The following ZNRF2 variants were observed in gnomAD, a reference collection of about 807,000 sequenced individuals.
The protein encoded by ZNRF2 is zinc and ring finger 2.
Under a neutral mutation model 20.4 loss-of-function variants are expected in ZNRF2, and 16 were observed. The observed-to-expected ratio is 0.79, with a 90% CI of 0.53 to 1.19. The LOEUF is 1.19. Among genes scored for constraint, ZNRF2 ranks in the 50% most tolerant of loss-of-function variants. The pLI is 0.00. For synonymous variants in ZNRF2, 178 were observed against 144.9 expected (o/e 1.23, Z -1.64); for missense variants, 363 against 332.4 (o/e 1.09, Z -0.72).
Position 30,285,504 on chromosome 7 carries a change from C to A in ZNRF2, c.147C>A (p.Phe49Leu), listed in dbSNP as rs1798759809. The change falls in exon 1 of 5, where the codon TTC (phenylalanine) becomes TTA (leucine). Residue 49 changes from phenylalanine to leucine, a missense_variant. Coordinates refer to ENST00000323037, the MANE Select transcript of ZNRF2 (RefSeq NM_147128.4). ...GGARAAAAGRFPAQVPSAHQP... is the reference protein window; with the variant it reads ...GGARAAAAGRLPAQVPSAHQP... ...CTCGGGCCGCCGCCGCGGGGAGGTT[C>A]CCGGCTCAGGTGCCCAGCGCGCACC... 9.5e-7 allele frequency: 1 copy of A among 1,054,818 alleles called. No homozygotes were observed. Among genetic ancestry groups the A allele is most frequent in the South Asian group, 3.2e-5 (1 of 31,502 alleles). 65.3% of individuals were successfully genotyped at this position (1,054,818 alleles called of 1,614,324 possible).
intron 2 of ZNRF2, among the ~76,000 whole-genome samples, chr7:30,354,416 C>A (rs1800005587): frequency 6.6e-6 from 1 of 152,160 alleles, no homozygotes; most frequent in Non-Finnish European, 1.5e-5. Context: ...CTGAGTAAAT[C>A]ATCTCCTGGT....
chr7:30,331,681 A>G (rs1169250269), intron 2 of ZNRF2, among the ~76,000 whole-genome samples: 2 of 152,228 alleles, frequency 1.3e-5, no homozygotes, highest in African/African-American at 2.4e-5. Context: ...GCTGAAAGCT[A>G]GAAATTCTCA....
intron 2 of ZNRF2, among the ~76,000 whole-genome samples, chr7:30,335,356 T>C (rs1026838565): frequency 2.0e-5 from 3 of 152,128 alleles, no homozygotes; most frequent in African/African-American, 7.2e-5. Flanking sequence ...AGCATAGCTG[T>C]CCTCAAACTT....
At chr7:30,339,214 G>A (rs1189356040) in intron 2 of ZNRF2, among the ~76,000 whole-genome samples, 1 of 152,058 alleles carries the variant, frequency 6.6e-6, no homozygotes, top group Non-Finnish European at 1.5e-5. Context: ...CCATTCTATA[G>A]GTTGCCTGTT....
intron 2 of ZNRF2, among the ~76,000 whole-genome samples, chr7:30,347,307 G>A (rs912739524): frequency 6.6e-6 from 1 of 152,172 alleles, no homozygotes; most frequent in Non-Finnish European, 1.5e-5. Context: ...GTCACACGAA[G>A]AATTTTTGTT....
At chr7:30,356,473 G>C (rs1232786082) in intron 3 of ZNRF2, among the ~76,000 whole-genome samples, 1 of 151,946 alleles carries the variant, frequency 6.6e-6, no homozygotes, top group African/African-American at 2.4e-5. Context: ...CAAACCCACT[G>C]GTTGAAAAAC....
intron 2 of ZNRF2, among the ~76,000 whole-genome samples, chr7:30,343,636 T>C (rs1227116332): frequency 1.3e-5 from 2 of 152,128 alleles, no homozygotes; most frequent in African/African-American, 4.8e-5. Context: ...ACCTTGTCAA[T>C]AGTAAGATTG....
In ZNRF2 at chr7:30,317,390, G is replaced by A. The variant is rs183613306; in HGVS notation, c.470-6252G>A. ...AAAGGAATTCAGTAGGACAGAGAAG[G>A]ACATTTTGCTTTTGAGTTCTCTAAA... On this transcript the variant is annotated intron_variant, in intron 1 of 4. Coordinates refer to ENST00000323037, the MANE Select transcript of ZNRF2 (RefSeq NM_147128.4). Among the ~76,000 whole-genome samples, 9 of 152,298 alleles carry A rather than the reference G, an allele frequency of 5.9e-5. No homozygotes were observed. In the East Asian group the frequency reaches 1.7e-3, roughly 29 times the overall value.
intron 2 of ZNRF2, among the ~76,000 whole-genome samples, chr7:30,342,411 A>C (rs1799810968): frequency 6.6e-6 from 1 of 152,090 alleles, no homozygotes; most frequent in South Asian, 2.1e-4. Context: ...GAGCTCTTGT[A>C]AGACAGGCGT....
In ZNRF2 at chr7:30,285,922, C is replaced by T. The variant is rs1798778955; in HGVS notation, c.469+96C>T. The T allele has an allele frequency of 3.8e-6, 5 of 1,329,272 alleles. 1 individual carries two copies. In the South Asian group the frequency reaches 9.3e-5, roughly 25 times the overall value. 82.3% of individuals were successfully genotyped at this position (1,329,272 alleles called of 1,614,324 possible). On this transcript the variant is annotated intron_variant, in intron 1 of 4. Coordinates refer to ENST00000323037, the MANE Select transcript of ZNRF2 (RefSeq NM_147128.4). ...TTTTTACCCTTCTCCTTTTCTCCTT[C>T]TGCCGGGGCGCCGGGGGCTGCCTCC...
At position 30,285,836 on chromosome 7, in the gene ZNRF2, CCT is replaced by C; in HGVS notation, c.469+14_469+15del. 1 of 1,491,556 alleles carries C rather than the reference CCT, an allele frequency of 6.7e-7. No individual in the cohort carries two copies. Among genetic ancestry groups the C allele is most frequent in the Non-Finnish European group, 8.9e-7 (1 of 1,129,422 alleles). 92.4% of individuals were successfully genotyped at this position (1,491,556 alleles called of 1,614,324 possible). On this transcript the variant is annotated intron_variant, in intron 1 of 4. Transcript: ENST00000323037. ...CCGCACATGTTTGGAGGTACGGACC[CCT>C]CTCCGCGCACCCGCGCTCGGTCCTC...
rs777633214 is a variant in ZNRF2, at chr7:30,320,198, T to TATA, written c.470-3442_470-3441insAAT. Among the ~76,000 whole-genome samples the TATA allele has an allele frequency of 3.0e-4, 46 of 152,228 alleles. 1 individual carries two copies. The highest frequency in any genetic ancestry group is 9.4e-4 in the African/African-American group (39 of 41,544). On this transcript the variant is annotated intron_variant, in intron 1 of 4. Coordinates refer to ENST00000323037, the MANE Select transcript of ZNRF2 (RefSeq NM_147128.4). The stretch of plus-strand genomic sequence containing the variant: ...CATGTGTCCCAAATAATTATCTATA[T>TATA]ATGTTATATATGTAGATCTCTATAC...
chr7:30,338,757 G>A (rs1438207552), intron 2 of ZNRF2, among the ~76,000 whole-genome samples: 1 of 152,114 alleles, frequency 6.6e-6, no homozygotes, highest in East Asian at 1.9e-4. Flanking sequence ...TGTCTTTATA[G>A]TAGAATGATT....
chr7:30,300,100 A>G (rs1040819840), intron 1 of ZNRF2, among the ~76,000 whole-genome samples: 6 of 147,488 alleles, frequency 4.1e-5, no homozygotes, highest in African/African-American at 1.0e-4. Context: ...CTTTTTCTCC[A>G]TAACATATAT....
At chr7:30,324,582 A>C (rs573605659) in intron 2 of ZNRF2, among the ~76,000 whole-genome samples, 1 of 151,776 alleles carries the variant, frequency 6.6e-6, no homozygotes, top group South Asian at 2.1e-4. Flanking sequence ...AAAACAAACA[A>C]ACAAAAAAAC....
At chr7:30,353,142 T>G (rs1166138082) in intron 2 of ZNRF2, among the ~76,000 whole-genome samples, 2 of 152,144 alleles carry the variant, frequency 1.3e-5, no homozygotes, top group East Asian at 3.8e-4. Context: ...ATTAAGCATT[T>G]GCTATGTGAA....
In ZNRF2 at chr7:30,315,732, G is replaced by T. The variant is rs1390808216; in HGVS notation, c.470-7910G>T. Among the ~76,000 whole-genome samples, 44 of 102,688 alleles carry T rather than the reference G, an allele frequency of 4.3e-4. 3 individuals carry two copies. The East Asian group carries it at 0.014, about 32-fold the overall frequency. 67.4% of individuals were successfully genotyped at this position (102,688 alleles called of 152,430 possible). A position where few individuals can be genotyped will look rare whatever the true frequency, so the allele number is the denominator to read the frequency against. On this transcript the variant is annotated intron_variant, in intron 1 of 4. Coordinates refer to ENST00000323037, the MANE Select transcript of ZNRF2 (RefSeq NM_147128.4). Reference sequence around the variant, plus strand: ...AACTAAAGAAAAAGGTGGGGCGGGGGGGGGGGGGTTGGGTATAAAGACGCC... The same window carrying T: ...AACTAAAGAAAAAGGTGGGGCGGGGTGGGGGGGGTTGGGTATAAAGACGCC...
At chr7:30,310,684 G>A (rs985485044) in intron 1 of ZNRF2, among the ~76,000 whole-genome samples, 3 of 152,184 alleles carry the variant, frequency 2.0e-5, no homozygotes, top group Non-Finnish European at 2.9e-5. Flanking sequence ...GTAGGCCACA[G>A]TTGGCCTGCA....
At chr7:30,302,904 G>T (rs1270680808) in intron 1 of ZNRF2, among the ~76,000 whole-genome samples, 18 of 152,154 alleles carry the variant, frequency 1.2e-4, no homozygotes, top group Admixed American at 1.2e-3. Flanking sequence ...AGTTTATCCT[G>T]TAGAATACTG....
Sources: gnomAD v4.1 joint callset for allele counts (sites outside exome capture counted in the v4.1 genomes callset) on GRCh38, gnomAD v4.1.1 for gene constraint, MANE v1.5 for transcripts, NCBI Gene and HGNC (gene_info 2026-07-23, HGNC 2026-07-21) for gene names.